Variants in KCNA3 observed in about 807,000 individuals in gnomAD.
KCNA3 encodes the protein RP11-284N8.3.
KCNA3 carries 18 observed loss-of-function variants against 34.3 expected under a neutral mutation model. The ratio of observed to expected loss-of-function variants is 0.52; its 90% confidence interval spans 0.36 to 0.78. The LOEUF (loss-of-function observed/expected upper bound fraction) is 0.78. Ranked by LOEUF, KCNA3 falls within the 30% of genes least tolerant of loss-of-function variation. The probability of loss-of-function intolerance (pLI) is 0.00; values close to 1 mark genes in which losing one functional copy is unlikely to be tolerated. For synonymous variants in KCNA3, 324 were observed against 351.7 expected, an observed-to-expected ratio of 0.92 and a Z score of 0.88; for missense variants, 587 against 802.5, an observed-to-expected ratio of 0.73 and a Z score of 3.24.
chr1:110,666,005 T>G, the KCNA3 span, among the ~76,000 whole-genome samples: 1,665 of 152,224 alleles, frequency 0.011, 27 homozygotes, highest in African/African-American at 0.039. Flanking sequence ...AAGGGAGAGA[T>G]AGTCCCCACT....
In KCNA3 at chr1:110,674,917, A is replaced by G. The variant is rs1367853699; in HGVS notation, c.-108T>C. 8.0e-6 allele frequency: 10 copies of G among 1,249,724 alleles called. No homozygotes were observed. The Admixed American group carries it at 3.8e-4, about 48-fold the overall frequency. The allele number at this position is 1,249,724 out of a possible 1,614,324, so 77.4% of individuals were successfully genotyped here. A position where few individuals can be genotyped will look rare whatever the true frequency, so the allele number is the denominator to read the frequency against. ...CGAGCCCACCGCCTGTTGCAGCCAAAGCCGCGATGCTCTGTCTGGGTCTGG... is the reference window on the plus strand; with the variant it reads ...CGAGCCCACCGCCTGTTGCAGCCAAGGCCGCGATGCTCTGTCTGGGTCTGG... On this transcript the variant is annotated 5_prime_UTR_variant, in exon 1 of 1. Transcript: ENST00000369769. This position sits in a 1 kb window ranked among gnomAD's most constrained non-coding sequence, Gnocchi z 6.4.
the KCNA3 span, among the ~76,000 whole-genome samples, chr1:110,666,596 TTA>T: frequency 6.6e-6 from 1 of 152,048 alleles, no homozygotes; most frequent in Admixed American, 6.6e-5. Context: ...TAGGGGTGGG[TTA>T]TATAATCGGA....
rs1332019148 is a variant in KCNA3 at position 110,673,139 on chromosome 1, G to C, written c.1671C>G (p.Thr557=). ...FKTGNSTATC[T]TNNNPNSCVN... ...CACAAGAGTTGGGATTATTGTTCGT[G>C]GTGCAGGTGGCAGTGGAATTGCCCG... is the stretch of plus-strand genomic sequence containing the variant. Residue 557 remains threonine (T), a synonymous_variant, in exon 1 of 1, where the codon ACC becomes ACG. Transcript: ENST00000369769. The surrounding 1 kb of genome is among the most constrained non-coding windows in gnomAD (Gnocchi z 8.8). 1 of 1,613,882 alleles carries C rather than the reference G, an allele frequency of 6.2e-7. No homozygotes were observed. The highest frequency in any genetic ancestry group is 2.2e-5 in the East Asian group (1 of 44,898).
rs1570800991 is a variant in KCNA3, at chr1:110,672,710, C to T, written c.*372G>A. On this transcript the variant is annotated 3_prime_UTR_variant, in exon 1 of 1. Coordinates refer to ENST00000369769, the MANE Select transcript of KCNA3 (RefSeq NM_002232.5). ...CGAATTGATGTGCTTAGGAAAGAAA[C>T]AACTGCCTTTAAAATTCTGAGGTTA... 3 of 183,558 alleles carry T rather than the reference C, an allele frequency of 1.6e-5. No individual in the cohort carries two copies. The East Asian group carries it at 4.3e-4, about 26-fold the overall frequency. 11.4% of individuals were successfully genotyped at this position (183,558 alleles called of 1,614,324 possible). A position where few individuals can be genotyped will look rare whatever the true frequency, so the allele number is the denominator to read the frequency against.
chr1:110,669,393 T>C (rs144756399), downstream of KCNA3, among the ~76,000 whole-genome samples: 15 of 152,324 alleles, frequency 9.8e-5, no homozygotes, highest in East Asian at 2.9e-3. Context: ...AAACCAACTA[T>C]AAGAAAATAA....
downstream of KCNA3, among the ~76,000 whole-genome samples, chr1:110,671,838 T>A (rs1038867584): frequency 6.6e-6 from 1 of 152,234 alleles, no homozygotes; most frequent in Non-Finnish European, 1.5e-5. Context: ...TAGAGAAGCA[T>A]CTTTAAAAAT....
chr1:110,674,924 A>G lies in KCNA3; in HGVS notation c.-115T>C. 1 of 1,238,666 alleles carries G rather than the reference A, an allele frequency of 8.1e-7. No individual in the cohort carries two copies. Among genetic ancestry groups the G allele is most frequent in the Non-Finnish European group, 1.0e-6 (1 of 983,726 alleles). 76.7% of individuals were successfully genotyped at this position (1,238,666 alleles called of 1,614,324 possible). A position where few individuals can be genotyped will look rare whatever the true frequency, so the allele number is the denominator to read the frequency against. On this transcript the variant is annotated 5_prime_UTR_variant, in exon 1 of 1. Transcript: ENST00000369769. This position sits in a 1 kb window ranked among gnomAD's most constrained non-coding sequence, Gnocchi z 6.4. ...ACCGCCTGTTGCAGCCAAAGCCGCG[A>G]TGCTCTGTCTGGGTCTGGCGCGGTC...
rs1299386647 is a variant in KCNA3 at position 110,673,649 on chromosome 1, G to C, written c.1161C>G (p.Leu387=). The C allele has an allele frequency of 6.2e-7, 1 of 1,614,222 alleles. No individual in the cohort carries two copies. The highest frequency in any genetic ancestry group is 8.5e-7 in the Non-Finnish European group (1 of 1,180,044). Residue 387 remains leucine, a synonymous_variant, in exon 1 of 1, where the codon CTC becomes CTG. Coordinates refer to ENST00000369769, the MANE Select transcript of KCNA3 (RefSeq NM_002232.5). This position sits in a 1 kb window ranked among gnomAD's most constrained non-coding sequence, Gnocchi z 8.8. ...GCATGGACGCCTTCAGCGTTTGCCC[G>C]AGGATCTGCAGCCCCTTGGAGTGGC... ...LSRHSKGLQI[L]GQTLKASMRE...
At chr1:110,670,193 G>T (rs1651833123), downstream of KCNA3, among the ~76,000 whole-genome samples, 1 of 152,176 alleles carries the variant, frequency 6.6e-6, no homozygotes, top group South Asian at 2.1e-4. Context: ...TAACATTTAT[G>T]TAAGATAACA....
chr1:110,662,487 T>C, the KCNA3 span, among the ~76,000 whole-genome samples: 5 of 152,316 alleles, frequency 3.3e-5, no homozygotes, highest in South Asian at 1.0e-3. Flanking sequence ...AACTTTGTTT[T>C]CATGTGTCTA....
the KCNA3 span, chr1:110,655,897 C>CTATA: frequency 6.6e-6 from 1 of 152,092 alleles, no homozygotes; most frequent in Non-Finnish European, 1.5e-5. Flanking sequence ...TGTGCAAAAG[C>CTATA]TATAACCCTT....
chr1:110,671,567 AATTG>A (rs746361461), downstream of KCNA3, among the ~76,000 whole-genome samples: 1 of 152,138 alleles, frequency 6.6e-6, no homozygotes, highest in Non-Finnish European at 1.5e-5. Flanking sequence ...CCCTCCTTTT[AATTG>A]ATTGTCTGCA....
At position 110,674,300 on chromosome 1, in the gene KCNA3, G is replaced by T; in HGVS notation, c.510C>A (p.Arg170=). The stretch of plus-strand genomic sequence containing the variant: ...TGTCGATGGGCACGTTGACCGGCCG[G>T]CGGATGCGGCCCCCGGACTGATAGT... The part of the protein sequence containing the change: ...LYYYQSGGRI[R]RPVNVPIDIF... The change falls in exon 1 of 1, where the codon CGC becomes CGA. Residue 170 remains arginine, a synonymous_variant. Transcript: ENST00000369769. The surrounding 1 kb of genome is among the most constrained non-coding windows in gnomAD (Gnocchi z 6.4). 1 of 1,614,206 alleles carries T rather than the reference G, an allele frequency of 6.2e-7. No individual in the cohort carries two copies. The highest frequency in any genetic ancestry group is 8.5e-7 in the Non-Finnish European group (1 of 1,180,036).
At chr1:110,662,112 C>CAAAAA in the KCNA3 span, among the ~76,000 whole-genome samples, 6 of 61,688 alleles carry the variant, frequency 9.7e-5, no homozygotes, top group Admixed American at 4.3e-4. Context: ...GACTCCGTCT[C>CAAAAA]AAAAAAAAAA....
Position 110,673,499 on chromosome 1 carries a change from C to A in KCNA3, c.1311G>T (p.Trp437Cys), listed in dbSNP as rs985966262. 1 of 1,614,070 alleles carries A rather than the reference C, an allele frequency of 6.2e-7. No homozygotes were observed. Among genetic ancestry groups the A allele is most frequent in the Non-Finnish European group, 8.5e-7 (1 of 1,180,036 alleles). ...GFSSIPDAFW[W>C]AVVTMTTVGY... Reference sequence around the variant, plus strand: ...CCACTGTTGTCATGGTTACCACTGCCCACCAGAAGGCATCCGGGATGCTGC... The same window carrying A: ...CCACTGTTGTCATGGTTACCACTGCACACCAGAAGGCATCCGGGATGCTGC... The change falls in exon 1 of 1, where the codon TGG (tryptophan) becomes TGT (cysteine). Residue 437 changes from tryptophan to cysteine, a missense_variant. Trp to Cys is a radical substitution (Grantham distance 215, BLOSUM62 -2). This residue lies in a region of KCNA3 where 84 missense variants were observed against 223.1 expected (regional missense o/e 0.38). Coordinates refer to ENST00000369769, the MANE Select transcript of KCNA3 (RefSeq NM_002232.5). This position sits in a 1 kb window ranked among gnomAD's most constrained non-coding sequence, Gnocchi z 8.8.
At chr1:110,664,440 C>T in the KCNA3 span, among the ~76,000 whole-genome samples, 1 of 152,126 alleles carries the variant, frequency 6.6e-6, no homozygotes, top group Non-Finnish European at 1.5e-5. Context: ...CTTGCTGGAG[C>T]ATGTTTTCGC....
At chr1:110,665,237 A>T in the KCNA3 span, among the ~76,000 whole-genome samples, 1 of 152,250 alleles carries the variant, frequency 6.6e-6, no homozygotes, top group African/African-American at 2.4e-5. Context: ...GGAAGGATGG[A>T]AACTGGAGGA....
At position 110,674,881 on chromosome 1, in the gene KCNA3, C is replaced by A; in HGVS notation, c.-72G>T. 1.6e-6 allele frequency: 2 copies of A among 1,270,322 alleles called. No individual in the cohort carries two copies. The highest frequency in any genetic ancestry group is 2.9e-5 in the South Asian group (1 of 34,188). 78.7% of individuals were successfully genotyped at this position (1,270,322 alleles called of 1,614,324 possible). On this transcript the variant is annotated 5_prime_UTR_variant, in exon 1 of 1. Transcript: ENST00000369769. This position sits in a 1 kb window ranked among gnomAD's most constrained non-coding sequence, Gnocchi z 6.4. The stretch of plus-strand genomic sequence containing the variant: ...GCGCTCCCCGCCCTTTCGCCGCCTC[C>A]GCCCCCGAGCCGAGCCCACCGCCTG...
chr1:110,653,788 C>T, the KCNA3 span: 6 of 152,208 alleles, frequency 3.9e-5, no homozygotes, highest in Admixed American at 3.3e-4. Flanking sequence ...ATTAAAACAA[C>T]TCAATGTCAA....
Sources: gnomAD v4.1 joint callset for allele counts (sites outside exome capture counted in the v4.1 genomes callset) on GRCh38, gnomAD v4.1.1 for gene constraint, gnomAD v4.1.1 regional missense constraint, Gnocchi (gnomAD v3.1) non-coding constraint, MANE v1.5 for transcripts, NCBI Gene and HGNC (gene_info 2026-07-23, HGNC 2026-07-21) for gene names.